Variants in ARK2N observed in about 807,000 individuals in gnomAD.
ARK2N encodes the protein protein ARK2N.
the ARK2N span, among the ~76,000 whole-genome samples, chr18:46,180,589 C>T: frequency 2.0e-5 from 3 of 152,066 alleles, no homozygotes; most frequent in African/African-American, 7.2e-5. Context: ...GCCTGTAATC[C>T]CAGCTACCCA....
At chr18:46,239,453 T>G in the ARK2N span, among the ~76,000 whole-genome samples, 1 of 152,330 alleles carries the variant, frequency 6.6e-6, no homozygotes, top group East Asian at 1.9e-4. Flanking sequence ...ATCCCTGTTT[T>G]TATAAAAGGA....
At chr18:46,182,456 T>C in the ARK2N span, among the ~76,000 whole-genome samples, 1 of 152,016 alleles carries the variant, frequency 6.6e-6, no homozygotes, top group South Asian at 2.1e-4. Flanking sequence ...AGAACCTTTG[T>C]TTTAGGGCCA....
At chr18:46,185,726 C>T in the ARK2N span, among the ~76,000 whole-genome samples, 1 of 152,178 alleles carries the variant, frequency 6.6e-6, no homozygotes, top group Middle Eastern at 3.2e-3. Context: ...GTGGCTCATG[C>T]CTGTAATCCC....
the ARK2N span, among the ~76,000 whole-genome samples, chr18:46,206,775 T>G: frequency 1.3e-5 from 2 of 152,152 alleles, no homozygotes; most frequent in East Asian, 3.9e-4. Context: ...CATAGCCCTT[T>G]CTTTTATTTT....
chr18:46,204,169 G>A, the ARK2N span, among the ~76,000 whole-genome samples: 9 of 150,680 alleles, frequency 6.0e-5, no homozygotes, highest in Non-Finnish European at 1.2e-4. Flanking sequence ...GTGAAAGACT[G>A]CAGTAATCTT....
chr18:46,243,286 C>T, the ARK2N span, among the ~76,000 whole-genome samples: 48 of 152,250 alleles, frequency 3.2e-4, 1 homozygote, highest in Middle Eastern at 6.8e-3. Flanking sequence ...GTCAGATGGT[C>T]ATTCTTATGG....
the ARK2N span, among the ~76,000 whole-genome samples, chr18:46,201,784 T>C: frequency 5.4e-3 from 802 of 147,828 alleles, 9 homozygotes; most frequent in African/African-American, 0.02. Context: ...CTTTTCTTTT[T>C]TTTTTTTTTT....
chr18:46,263,264 C>A, the ARK2N span: 2 of 711,078 alleles, frequency 2.8e-6, no homozygotes, highest in Non-Finnish European at 4.3e-6. Context: ...CCCTCCTCTT[C>A]CCCCCTTTTT....
chr18:46,192,595 A>G, the ARK2N span, among the ~76,000 whole-genome samples: 1 of 146,304 alleles, frequency 6.8e-6, no homozygotes, highest in Non-Finnish European at 1.5e-5. Flanking sequence ...TTTTTGAGAC[A>G]GAGTCTTGCT....
chr18:46,186,927 T>C, the ARK2N span, among the ~76,000 whole-genome samples: 8 of 151,632 alleles, frequency 5.3e-5, no homozygotes, highest in Non-Finnish European at 1.0e-4. Flanking sequence ...TGATCTAGGC[T>C]CACTGCAACC....
At chr18:46,200,979 CTTT>C in the ARK2N span, among the ~76,000 whole-genome samples, 26 of 112,828 alleles carry the variant, frequency 2.3e-4, no homozygotes, top group Admixed American at 3.9e-4. Flanking sequence ...TTTCTTTTTT[CTTT>C]TTTTTTTTTT....
At chr18:46,238,507 A>G in the ARK2N span, among the ~76,000 whole-genome samples, 2 of 152,160 alleles carry the variant, frequency 1.3e-5, no homozygotes, top group Non-Finnish European at 2.9e-5. Flanking sequence ...ACTAAAATCA[A>G]TTACCAACTG....
chr18:46,212,661 TA>T, the ARK2N span, among the ~76,000 whole-genome samples: 1 of 152,170 alleles, frequency 6.6e-6, no homozygotes, highest in Admixed American at 6.5e-5. Context: ...CTAATTTAGG[TA>T]GTATAAATTA....
chr18:46,212,466 T>C, the ARK2N span, among the ~76,000 whole-genome samples: 1 of 152,204 alleles, frequency 6.6e-6, no homozygotes, highest in African/African-American at 2.4e-5. Flanking sequence ...TAATGTATCT[T>C]TTTTCATTAA....
chr18:46,251,157 G>A, the ARK2N span, among the ~76,000 whole-genome samples: 3 of 152,150 alleles, frequency 2.0e-5, no homozygotes, highest in African/African-American at 7.2e-5. Flanking sequence ...TATTGAATAT[G>A]GAAAAGTTGA....
the ARK2N span, among the ~76,000 whole-genome samples, chr18:46,195,732 C>T: frequency 6.6e-6 from 1 of 151,732 alleles, no homozygotes; most frequent in Non-Finnish European, 1.5e-5. Flanking sequence ...TGTGCCACCA[C>T]ACCTGGCTGA....
the ARK2N span, among the ~76,000 whole-genome samples, chr18:46,252,755 C>T: frequency 6.6e-6 from 1 of 152,040 alleles, no homozygotes; most frequent in Non-Finnish European, 1.5e-5. Context: ...AAAATTCAGC[C>T]TTTTAAATCA....
chr18:46,214,297 T>C, the ARK2N span, among the ~76,000 whole-genome samples: 1 of 152,170 alleles, frequency 6.6e-6, no homozygotes, highest in Non-Finnish European at 1.5e-5. Flanking sequence ...GCATACCGTA[T>C]AGAATAATGG....
At chr18:46,194,906 C>A in the ARK2N span, among the ~76,000 whole-genome samples, 1 of 148,984 alleles carries the variant, frequency 6.7e-6, no homozygotes, top group South Asian at 2.1e-4. Flanking sequence ...TGTGTTCAAG[C>A]GATTCTGCCT....
Sources: gnomAD v4.1 joint callset for allele counts (sites outside exome capture counted in the v4.1 genomes callset) on GRCh38, gnomAD v4.1.1 for gene constraint, MANE v1.5 for transcripts, NCBI Gene and HGNC (gene_info 2026-07-23, HGNC 2026-07-21) for gene names.